PCSK5: variants seen among roughly 807,000 people sequenced by gnomAD.
PCSK5 encodes the protein prohormone convertase 5.
PCSK5 carries 129 observed loss-of-function variants against 233.2 expected under a neutral mutation model. The ratio of observed to expected loss-of-function variants is 0.55; its 90% CI spans 0.48 to 0.64. The LOEUF is 0.64. Among genes scored for constraint, PCSK5 ranks in the 30% least tolerant of loss-of-function variants. The pLI is 0.00. For missense variants in PCSK5, 2,076 were observed against 2,430.1 expected, an observed-to-expected ratio of 0.85 and a Z score of 3.06; for synonymous variants, 825 against 879.2, an observed-to-expected ratio of 0.94 and a Z score of 1.09.
In PCSK5 at chr9:76,048,274, G is replaced by A. The variant is rs542221935; in HGVS notation, c.633-19681G>A. On this transcript the variant is annotated intron_variant, in intron 5 of 37. Transcript: ENST00000674117. Reference sequence around the variant, plus strand: ...TAAAGTCATGGCACTGAAAAGGAGAGGGGTGCTCGAATTGGCACAGGTTTC... The same window carrying A: ...TAAAGTCATGGCACTGAAAAGGAGAAGGGTGCTCGAATTGGCACAGGTTTC... Among the ~76,000 whole-genome samples the A allele has an allele frequency of 2.0e-5, 3 of 152,270 alleles. No homozygotes were observed. In the East Asian group the frequency reaches 5.8e-4, roughly 29 times the overall value.
chr9:75,906,574 A>G (rs1193720356), intron 1 of PCSK5, among the ~76,000 whole-genome samples: 2 of 152,230 alleles, frequency 1.3e-5, no homozygotes, highest in African/African-American at 2.4e-5. Context: ...GTCTGGAGTC[A>G]GATGAGGTCT....
At chr9:76,264,407 TTATGAC>T (rs1827273152) in intron 24 of PCSK5, among the ~76,000 whole-genome samples, 1 of 152,104 alleles carries the variant, frequency 6.6e-6, no homozygotes, top group African/African-American at 2.4e-5. Flanking sequence ...GGGAAGGAAT[TTATGAC>T]TAAGTCATCA....
At chr9:76,078,130 G>A (rs1255789305) in intron 7 of PCSK5, among the ~76,000 whole-genome samples, 2 of 152,090 alleles carry the variant, frequency 1.3e-5, no homozygotes, top group East Asian at 3.9e-4. Context: ...ATTTGTTAAT[G>A]GGGTTGTTTT....
intron 3 of PCSK5, among the ~76,000 whole-genome samples, chr9:76,003,265 T>A (rs1827337810): frequency 6.6e-6 from 1 of 152,182 alleles, no homozygotes; most frequent in Non-Finnish European, 1.5e-5. Flanking sequence ...AAGAGACAGC[T>A]GGCAGGCTGA....
intron 2 of PCSK5, among the ~76,000 whole-genome samples, chr9:75,967,645 C>T (rs534626328): frequency 5.3e-4 from 80 of 152,298 alleles, no homozygotes; most frequent in African/African-American, 1.9e-3. Context: ...AAAAGGTTGC[C>T]TGATAGAACA....
chr9:76,047,131 C>T (rs1024919703), intron 5 of PCSK5, among the ~76,000 whole-genome samples: 1 of 150,700 alleles, frequency 6.6e-6, no homozygotes, highest in Non-Finnish European at 1.5e-5. Flanking sequence ...GAGTCTTGCT[C>T]TGTCGCCCAT....
chr9:76,245,547 G>A (rs1409702488), intron 24 of PCSK5, among the ~76,000 whole-genome samples: 5 of 152,088 alleles, frequency 3.3e-5, no homozygotes, highest in Non-Finnish European at 2.9e-5. Context: ...ACTATAGGGG[G>A]TCTTTATATT....
In PCSK5 at chr9:75,961,304, A is replaced by G. The variant is rs1031391361; in HGVS notation, c.298-24828A>G. Among the ~76,000 whole-genome samples the G allele has an allele frequency of 2.0e-4, 31 of 152,238 alleles. 1 individual carries two copies. The highest frequency in any genetic ancestry group is 6.3e-4 in the African/African-American group (26 of 41,464). ...GTGATTTAAGCTCCTGAGGAAATCT[A>G]TGAAATTTAAGGCCTTTCAGTCAAT... On this transcript the variant is annotated intron_variant, in intron 2 of 37. Transcript: ENST00000674117.
intron 30 of PCSK5, among the ~76,000 whole-genome samples, chr9:76,320,544 G>T (rs1490717233): frequency 7.4e-6 from 1 of 135,762 alleles, no homozygotes; most frequent in African/African-American, 2.8e-5. Flanking sequence ...CACAATCTTG[G>T]CTCACCTCAA....
chr9:76,116,319 T>TA (rs1328596959), intron 9 of PCSK5, among the ~76,000 whole-genome samples: 1 of 152,144 alleles, frequency 6.6e-6, no homozygotes, highest in Non-Finnish European at 1.5e-5. Context: ...CATTATTTCT[T>TA]ACCATCTTAG....
intron 9 of PCSK5, among the ~76,000 whole-genome samples, chr9:76,132,552 C>A (rs1324315610): frequency 6.6e-6 from 1 of 152,080 alleles, no homozygotes; most frequent in East Asian, 1.9e-4. Context: ...TAATCTGAGA[C>A]CATAACAGAA....
chr9:76,057,269 T>TTG (rs1829855138), intron 5 of PCSK5, among the ~76,000 whole-genome samples: 1 of 152,174 alleles, frequency 6.6e-6, no homozygotes, highest in Admixed American at 6.5e-5. Flanking sequence ...AAAATGAATC[T>TTG]TGTTCATACA....
At position 76,227,634 on chromosome 9, in the gene PCSK5, G is replaced by T. The variant is rs1474412368; in HGVS notation, c.2729+29G>T. ...AGTGGCTTCTCAGGATCTCCCGGTG[G>T]TGTGAGCTCATGGATTGCAGGGTGG... On this transcript the variant is annotated intron_variant, in intron 21 of 37. Coordinates refer to ENST00000674117, the MANE Select transcript of PCSK5 (RefSeq NM_001372043.1). The T allele has an allele frequency of 3.5e-6, 5 of 1,426,002 alleles. No individual in the cohort carries two copies. In the Admixed American group the frequency reaches 8.7e-5, roughly 25 times the overall value. 88.3% of individuals were successfully genotyped at this position (1,426,002 alleles called of 1,614,324 possible).
intron 2 of PCSK5, among the ~76,000 whole-genome samples, chr9:75,945,672 A>G (rs187021925): frequency 5.9e-5 from 9 of 152,192 alleles, no homozygotes; most frequent in East Asian, 3.9e-4. Context: ...TTCAAGGGCC[A>G]TTATGATCTA....
At chr9:75,951,323 G>A (rs1824845783) in intron 2 of PCSK5, among the ~76,000 whole-genome samples, 1 of 152,156 alleles carries the variant, frequency 6.6e-6, no homozygotes, top group Admixed American at 6.5e-5. Flanking sequence ...TTCCCCAGTG[G>A]ACCAGCATCA....
chr9:75,978,406 T>A (rs566794925), intron 2 of PCSK5, among the ~76,000 whole-genome samples: 284 of 152,346 alleles, frequency 1.9e-3, no homozygotes, highest in African/African-American at 6.6e-3. Context: ...CTGTTAACAA[T>A]ACAGGTAATT....
intron 31 of PCSK5, 57 bp downstream of exon 31, chr9:76,321,696 C>T (rs1045867694): frequency 2.7e-6 from 3 of 1,129,896 alleles, no homozygotes; most frequent in Non-Finnish European, 2.6e-6. Context: ...AGTTGGGGGC[C>T]GATTATCTGA....
chr9:76,148,245 G>A (rs1823528115), intron 10 of PCSK5, among the ~76,000 whole-genome samples: 1 of 150,958 alleles, frequency 6.6e-6, no homozygotes, highest in African/African-American at 2.4e-5. Flanking sequence ...ATACAGCCCT[G>A]GTTCTTTGGC....
intron 2 of PCSK5, among the ~76,000 whole-genome samples, chr9:75,934,605 G>A (rs972581355): frequency 2.8e-4 from 43 of 151,290 alleles, no homozygotes; most frequent in African/African-American, 9.0e-4. Context: ...TTTTTAAACA[G>A]AGTCTCACTC....
Sources: gnomAD v4.1 joint callset for allele counts (sites outside exome capture counted in the v4.1 genomes callset) on GRCh38, gnomAD v4.1.1 for gene constraint, MANE v1.5 for transcripts, NCBI Gene and HGNC (gene_info 2026-07-23, HGNC 2026-07-21) for gene names.